The following NMRK1 variants were observed in gnomAD, a reference collection of about 807,000 sequenced individuals.
The protein encoded by NMRK1 is nicotinamide riboside kinase 1, also known as NRK 1.
A neutral mutation model predicts 29.9 loss-of-function variants in NMRK1; 28 were observed. The observed-to-expected ratio is 0.94, with a 90% CI of 0.69 to 1.28. The LOEUF is 1.28. NMRK1 is among the 50% of genes most tolerant of loss of function. The probability of loss-of-function intolerance (pLI) is 0.00; values close to 1 mark genes in which losing one functional copy is unlikely to be tolerated. For synonymous variants in NMRK1, 58 were observed against 73.0 expected (o/e 0.79, Z 1.05); for missense variants, 218 against 233.1 (o/e 0.94, Z 0.42).
chr9:75,066,175 A>C (rs1020058930), intron 8 of NMRK1: 10 of 463,538 alleles, frequency 2.2e-5, no homozygotes, highest in Non-Finnish European at 4.3e-5. Context: ...ACAATGGAAC[A>C]CTAGGCATAA....
chr9:75,082,372 A>AC (rs1360240417), intron 2 of NMRK1, among the ~76,000 whole-genome samples: 1 of 152,254 alleles, frequency 6.6e-6, no homozygotes, highest in African/African-American at 2.4e-5. Context: ...TTACTATGGT[A>AC]ATGTAATACC....
In NMRK1 at chr9:75,066,747, C is replaced by T; in HGVS notation, c.580+10G>A. 1 of 1,488,918 alleles carries T rather than the reference C, an allele frequency of 6.7e-7. No homozygotes were observed. Among genetic ancestry groups the T allele is most frequent in the East Asian group, 2.3e-5 (1 of 44,208 alleles). 92.2% of individuals were successfully genotyped at this position (1,488,918 alleles called of 1,614,324 possible). A position where few individuals can be genotyped will look rare whatever the true frequency, so the allele number is the denominator to read the frequency against. On this transcript the variant is annotated intron_variant, in intron 8 of 8. Coordinates refer to ENST00000361092, the MANE Select transcript of NMRK1 (RefSeq NM_017881.3). ...TCCTCTACCATCCACTTTGTTAGCACAATACTTACACTTTTGCTTTGCTAG... is the reference window on the plus strand; with the variant it reads ...TCCTCTACCATCCACTTTGTTAGCATAATACTTACACTTTTGCTTTGCTAG...
chr9:75,085,630 G>A (rs1377021878), intron 1 of NMRK1, among the ~76,000 whole-genome samples: 1 of 151,474 alleles, frequency 6.6e-6, no homozygotes, highest in East Asian at 1.9e-4. Context: ...TGTGGCATGG[G>A]AAATAGGCTT....
chr9:75,063,329 A>G (rs1029413955), intron 8 of NMRK1, among the ~76,000 whole-genome samples: 2 of 150,874 alleles, frequency 1.3e-5, no homozygotes, highest in East Asian at 1.9e-4. Context: ...AAGAAAGAAA[A>G]AAAGACTCCA....
intron 4 of NMRK1, among the ~76,000 whole-genome samples, chr9:75,073,478 A>C (rs1379861040): frequency 6.6e-6 from 1 of 152,228 alleles, no homozygotes; most frequent in Non-Finnish European, 1.5e-5. Flanking sequence ...GGTGGCTCAC[A>C]CCTGTATCCC....
chr9:75,070,083 A>G (rs1564129975), intron 4 of NMRK1, 41 bp from the exon 5 acceptor site: 1 of 1,567,310 alleles, frequency 6.4e-7, no homozygotes, highest in African/African-American at 1.4e-5. Context: ...AATATAGCAC[A>G]AAATTTTGTG....
At chr9:75,068,694 T>G (rs1823513811) in intron 7 of NMRK1, among the ~76,000 whole-genome samples, 1 of 152,230 alleles carries the variant, frequency 6.6e-6, no homozygotes, top group African/African-American at 2.4e-5. Flanking sequence ...CTCTAGCACC[T>G]GTTTCCATGA....
chr9:75,077,119 G>A (rs773974110), intron 4 of NMRK1, 40 bp downstream of exon 4: 7 of 1,225,710 alleles, frequency 5.7e-6, no homozygotes, highest in South Asian at 3.9e-5. Context: ...AAAAGAAAAT[G>A]AACATAAGCA....
At chr9:75,071,905 A>C (rs1182161676) in intron 4 of NMRK1, among the ~76,000 whole-genome samples, 3 of 152,178 alleles carry the variant, frequency 2.0e-5, no homozygotes, top group Admixed American at 1.3e-4. Context: ...GAGTACTGCC[A>C]GGTGGAGGCG....
chr9:75,066,056 C>T (rs1345628383), intron 8 of NMRK1, among the ~76,000 whole-genome samples: 3 of 152,106 alleles, frequency 2.0e-5, no homozygotes, highest in Non-Finnish European at 2.9e-5. Flanking sequence ...TATTTGAGTT[C>T]CTTAACCCAT....
At chr9:75,073,067 A>G (rs543474481) in intron 4 of NMRK1, among the ~76,000 whole-genome samples, 1 of 152,318 alleles carries the variant, frequency 6.6e-6, no homozygotes, top group Admixed American at 6.5e-5. Context: ...CTGTTTGGAA[A>G]TATGGTCATT....
Position 75,078,425 on chromosome 9 carries a change from T to C in NMRK1, c.30-845A>G. The C allele has an allele frequency of 1.3e-6, 2 of 1,547,804 alleles. 1 individual carries two copies. On this transcript the variant is annotated intron_variant, in intron 2 of 8. Coordinates refer to ENST00000361092, the MANE Select transcript of NMRK1 (RefSeq NM_017881.3). ...CTGTAGCTTATCACAACAGGCCAGTTATTTGTCTCTTCTGACCGGACTGTG... is the reference window on the plus strand; with the variant it reads ...CTGTAGCTTATCACAACAGGCCAGTCATTTGTCTCTTCTGACCGGACTGTG...
At chr9:75,064,643 T>C (rs1238375060) in intron 8 of NMRK1, among the ~76,000 whole-genome samples, 1 of 152,208 alleles carries the variant, frequency 6.6e-6, no homozygotes, top group East Asian at 1.9e-4. Flanking sequence ...GATCCTGAAA[T>C]CAACAATGTT....
In NMRK1 at chr9:75,069,078, G is replaced by C; in HGVS notation, c.414C>G (p.Asp138Glu). ...CATGGCCATCAAAGTATCCCGGAGA[G>C]TCTGGAGGCTGATAGACCCTTGTAC... is the stretch of plus-strand genomic sequence containing the variant. ...RRSTRVYQPP[D>E]SPGYFDGHVW... The change falls in exon 7 of 9, where the codon GAC (aspartate) becomes GAG (glutamate). Residue 138 changes from aspartate (D) to glutamate (E), a missense_variant. Physicochemically the swap from Asp to Glu is conservative, Grantham distance 45 (BLOSUM62 2). Coordinates refer to ENST00000361092, the MANE Select transcript of NMRK1 (RefSeq NM_017881.3). 5 of 1,613,894 alleles carry C rather than the reference G, an allele frequency of 3.1e-6. No individual in the cohort carries two copies. Among genetic ancestry groups the C allele is most frequent in the Non-Finnish European group, 4.2e-6 (5 of 1,179,796 alleles).
intron 2 of NMRK1, among the ~76,000 whole-genome samples, chr9:75,080,070 G>A (rs928065219): frequency 3.3e-5 from 5 of 152,176 alleles, no homozygotes; most frequent in Non-Finnish European, 7.3e-5. Flanking sequence ...ATAACAGTGG[G>A]CTGGGGAGAA....
At chr9:75,066,954 G>A in intron 7 of NMRK1, 114 bp from the exon 8 acceptor site, 2 of 627,426 alleles carry the variant, frequency 3.2e-6, no homozygotes, top group Non-Finnish European at 5.7e-6. Flanking sequence ...AAGGCACCCA[G>A]GACCATAACT....
Position 75,082,888 on chromosome 9 carries a change from G to C in NMRK1, c.29+199C>G, listed in dbSNP as rs546728502. On this transcript the variant is annotated intron_variant, in intron 2 of 8. Transcript: ENST00000361092. ...GTAAATGTGGTTGACTGACTCTTCT[G>C]TTTCTCTGTTTATAGAAAACTCTTC... 15 of 560,992 alleles carry C rather than the reference G, an allele frequency of 2.7e-5. No individual in the cohort carries two copies. In the East Asian group the frequency reaches 4.2e-4, roughly 16 times the overall value. 34.8% of individuals were successfully genotyped at this position (560,992 alleles called of 1,614,324 possible). A position where few individuals can be genotyped will look rare whatever the true frequency, so the allele number is the denominator to read the frequency against.
At chr9:75,074,177 C>A (rs1360468926) in intron 4 of NMRK1, among the ~76,000 whole-genome samples, 1 of 151,864 alleles carries the variant, frequency 6.6e-6, no homozygotes, top group Non-Finnish European at 1.5e-5. Flanking sequence ...CCCGCTTCGG[C>A]TTCCTGAGTA....
intron 1 of NMRK1, among the ~76,000 whole-genome samples, chr9:75,083,627 A>G (rs959006468): frequency 1.1e-4 from 16 of 152,236 alleles, no homozygotes; most frequent in African/African-American, 3.9e-4. Flanking sequence ...GTTTAAAGAT[A>G]CTGCCCTTAT....
Sources: allele counts gnomAD v4.1 joint callset (sites outside exome capture counted in the v4.1 genomes callset), GRCh38; gene constraint gnomAD v4.1.1; transcripts MANE v1.5; gene names NCBI Gene and HGNC (gene_info 2026-07-23, HGNC 2026-07-21).